Variants in SLC4A5 observed in about 807,000 individuals in gnomAD.
The protein encoded by SLC4A5 is solute carrier family 4 member 5.
A neutral mutation model predicts 120.4 loss-of-function variants in SLC4A5; 96 were observed. That is an observed-to-expected ratio of 0.80 (90% CI 0.68 to 0.94). The LOEUF is 0.94. Among genes scored for constraint, SLC4A5 ranks in the 40% least tolerant of loss-of-function variants. The pLI, the probability that SLC4A5 is intolerant of heterozygous loss-of-function variation, is 0.00. For missense variants in SLC4A5, 1,259 were observed against 1,459.5 expected (o/e 0.86, Z 2.24); for synonymous variants, 550 against 571.1 (o/e 0.96, Z 0.53).
At chr2:74,285,135 C>T (rs1457650695) in intron 8 of SLC4A5, among the ~76,000 whole-genome samples, 1 of 152,148 alleles carries the variant, frequency 6.6e-6, no homozygotes, top group Non-Finnish European at 1.5e-5. Flanking sequence ...GTACCAGCTA[C>T]TTGGGAGGCT....
At chr2:74,317,361 TTA>T (rs1034669216) in intron 5 of SLC4A5, among the ~76,000 whole-genome samples, 4 of 150,834 alleles carry the variant, frequency 2.7e-5, no homozygotes, top group African/African-American at 1.0e-4. Flanking sequence ...AGTTTTTTTT[TTA>T]AATGTTTTAT....
At chr2:74,242,007 G>C (rs746923567) in exon 20 of SLC4A5, 1 of 1,605,796 alleles carries the variant, frequency 6.2e-7, no homozygotes, top group Non-Finnish European at 8.5e-7. Flanking sequence ...AGAAGCGTTG[G>C]TGTCTGGTGC....
At chr2:74,276,063 T>C (rs3771728) in intron 8 of SLC4A5, among the ~76,000 whole-genome samples, 24,098 of 152,168 alleles carry the variant, frequency 0.16, 2,573 homozygotes, top group African/African-American at 0.3. Context: ...TGTTTTTGTA[T>C]GGCCAGCTAG....
chr2:74,235,317 G>A (rs1218351358), intron 21 of SLC4A5, 103 bp from the exon 22 acceptor site: 1 of 774,056 alleles, frequency 1.3e-6, no homozygotes, highest in East Asian at 2.7e-5. Context: ...ATTACAGTCT[G>A]GGCTCTGAAG....
At chr2:74,330,437 G>T (rs1383826677) in intron 4 of SLC4A5, among the ~76,000 whole-genome samples, 1 of 150,802 alleles carries the variant, frequency 6.6e-6, no homozygotes, top group East Asian at 2.0e-4. Context: ...TCTAGATGGA[G>T]ATGTGTGGTT....
intron 21 of SLC4A5, among the ~76,000 whole-genome samples, chr2:74,238,806 T>G (rs1670347956): frequency 6.6e-6 from 1 of 152,202 alleles, no homozygotes; most frequent in African/African-American, 2.4e-5. Flanking sequence ...AAGTTTGATA[T>G]ATTCAATTAC....
At chr2:74,294,618 A>C (rs960266384) in intron 7 of SLC4A5, among the ~76,000 whole-genome samples, 6 of 151,976 alleles carry the variant, frequency 3.9e-5, no homozygotes, top group African/African-American at 1.5e-4. Flanking sequence ...CTTTCATCTG[A>C]CAGAGGCCAG....
chr2:74,321,026 C>T (rs1041571612), intron 5 of SLC4A5, among the ~76,000 whole-genome samples: 4 of 152,156 alleles, frequency 2.6e-5, no homozygotes, highest in East Asian at 3.8e-4. Context: ...TCCACCGATA[C>T]GCATTGGTAT....
intron 5 of SLC4A5, among the ~76,000 whole-genome samples, chr2:74,317,301 GT>G (rs1215691818): frequency 6.6e-6 from 1 of 151,896 alleles, no homozygotes; most frequent in Non-Finnish European, 1.5e-5. Flanking sequence ...CTTTTGTTGT[GT>G]TTGAAAATTT....
At chr2:74,315,148 A>C in intron 5 of SLC4A5, 123 bp from the exon 6 acceptor site, 1 of 824,662 alleles carries the variant, frequency 1.2e-6, no homozygotes. Flanking sequence ...ACTAAGACAA[A>C]AGGACATATA....
intron 11 of SLC4A5, among the ~76,000 whole-genome samples, chr2:74,261,689 A>T (rs1388190806): frequency 6.6e-6 from 1 of 151,996 alleles, no homozygotes; most frequent in Non-Finnish European, 1.5e-5. Context: ...AGGGGCCGTG[A>T]CTCTGCCCAC....
At chr2:74,234,163 T>TTTTC (rs556544548) in intron 22 of SLC4A5, among the ~76,000 whole-genome samples, 10 of 151,728 alleles carry the variant, frequency 6.6e-5, no homozygotes, top group African/African-American at 1.5e-4. Flanking sequence ...GCTCTTTTTT[T>TTTTC]TTTCTTTCTT....
At position 74,233,513 on chromosome 2, in the gene SLC4A5, C is replaced by T. The variant is rs761250365; in HGVS notation, c.2484G>A (p.Pro828=). The T allele has an allele frequency of 5.2e-5, 84 of 1,614,022 alleles. 1 individual carries two copies. The South Asian group carries it at 5.3e-4, about 10-fold the overall frequency. ...GGATGCTTGCTGGGTATACCCACCA[C>T]GGGTTCTTCCCAAAGGGGGCCACGA... The change falls in exon 23 of 31, where the codon CCG becomes CCA. Residue 828 remains proline (P), a synonymous_variant. Coordinates refer to ENST00000394019, the Ensembl canonical transcript of SLC4A5.
intron 6 of SLC4A5, among the ~76,000 whole-genome samples, 182 bp downstream of exon 6, chr2:74,314,763 A>T (rs1284426694): frequency 6.6e-6 from 1 of 152,166 alleles, no homozygotes; most frequent in African/African-American, 2.4e-5. Flanking sequence ...CTCCAGCTTG[A>T]CCATGCAGTC....
intron 4 of SLC4A5, among the ~76,000 whole-genome samples, chr2:74,330,876 G>GTGAGGTGTACATGGTGGTGA (rs1177685834): frequency 1.1e-5 from 1 of 91,340 alleles, no homozygotes; most frequent in Non-Finnish European, 2.4e-5. Context: ...ATAGGAGGTG[G>GTGAGGTGTACATGGTGGTGA]TGAGGTCTAG....
At chr2:74,282,991 T>C (rs1008031143) in intron 8 of SLC4A5, among the ~76,000 whole-genome samples, 5 of 152,172 alleles carry the variant, frequency 3.3e-5, no homozygotes, top group Non-Finnish European at 1.5e-5. Flanking sequence ...TCCTGGTCAT[T>C]TGAAATGTCC....
At chr2:74,292,095 T>C (rs1362951154) in intron 7 of SLC4A5, among the ~76,000 whole-genome samples, 4 of 152,224 alleles carry the variant, frequency 2.6e-5, no homozygotes, top group African/African-American at 9.6e-5. Flanking sequence ...TCCTCATCTA[T>C]GAAGCGGTAA....
Position 74,247,035 on chromosome 2 carries a change from C to T in SLC4A5, c.2059+1G>A, listed in dbSNP as rs1429096381. 1 of 1,613,302 alleles carries T rather than the reference C, an allele frequency of 6.2e-7. No homozygotes were observed. The highest frequency in any genetic ancestry group is 1.3e-5 in the African/African-American group (1 of 74,880). On this transcript the variant is annotated splice_donor_variant, in intron 19 of 30. Coordinates refer to ENST00000394019, the Ensembl canonical transcript of SLC4A5. LOFTEE classifies it high-confidence loss of function. ...ACGGCATGTCTGGGGTTACCGGTCA[C>T]CTGTGTCAGGGGCGACACACTCGCA...
intron 5 of SLC4A5, chr2:74,319,285 T>C (rs1445254346): frequency 6.6e-6 from 1 of 152,080 alleles, no homozygotes; most frequent in Non-Finnish European, 1.5e-5. Flanking sequence ...GGGTGATGAG[T>C]ACACTAAACT....
Sources: allele counts gnomAD v4.1 joint callset (sites outside exome capture counted in the v4.1 genomes callset), GRCh38; gene constraint gnomAD v4.1.1; transcripts MANE v1.5; gene names NCBI Gene and HGNC (gene_info 2026-07-23, HGNC 2026-07-21).